TRHDE: variants seen among roughly 807,000 people sequenced by gnomAD.
The protein encoded by TRHDE is thyrotropin-releasing hormone-degrading ectoenzyme.
In TRHDE, 72 loss-of-function variants were observed where a neutral mutation model predicts 125.7. The ratio of observed to expected loss-of-function variants is 0.57; its 90% CI spans 0.47 to 0.70. TRHDE has a LOEUF of 0.70. Ranked by LOEUF, TRHDE falls within the 30% of genes least tolerant of loss-of-function variation. The pLI, the probability that TRHDE is intolerant of heterozygous loss-of-function variation, is 0.00. For missense variants in TRHDE, 1,110 were observed against 1,327.1 expected, an observed-to-expected ratio of 0.84 and a Z score of 2.54; for synonymous variants, 509 against 509.1, an observed-to-expected ratio of 1.00 and a Z score of 0.00.
chr12:72,403,510 G>A (rs144672287), intron 3 of TRHDE, among the ~76,000 whole-genome samples: 185 of 152,106 alleles, frequency 1.2e-3, no homozygotes, highest in Non-Finnish European at 2.2e-3. Flanking sequence ...CATATTTTCC[G>A]TGAGGAAACT....
intron 6 of TRHDE, among the ~76,000 whole-genome samples, chr12:72,512,536 A>G (rs1878642487): frequency 7.3e-6 from 1 of 137,620 alleles, no homozygotes; most frequent in African/African-American, 2.7e-5. Context: ...ATATATGATT[A>G]TATATATTCA....
intron 14 of TRHDE, 172 bp downstream of exon 14, chr12:72,621,377 C>A (rs557477413): frequency 1.7e-6 from 1 of 595,550 alleles, no homozygotes; most frequent in African/African-American, 1.9e-5. Context: ...TTGCCTGATC[C>A]TGAGAACAAA....
chr12:72,648,172 A>G (rs1294793587), intron 15 of TRHDE, among the ~76,000 whole-genome samples: 1 of 152,150 alleles, frequency 6.6e-6, no homozygotes, highest in Admixed American at 6.6e-5. Context: ...CAATAAATAC[A>G]AAGCACTGAC....
intron 18 of TRHDE, among the ~76,000 whole-genome samples, chr12:72,662,663 G>A (rs1874959663): frequency 6.6e-6 from 1 of 152,094 alleles, no homozygotes; most frequent in East Asian, 1.9e-4. Flanking sequence ...CAGTGTTTAA[G>A]GCTACTTGGT....
chr12:72,100,341 T>C (rs1303169199), intron 1 of TRHDE, among the ~76,000 whole-genome samples: 1 of 152,222 alleles, frequency 6.6e-6, no homozygotes, highest in Non-Finnish European at 1.5e-5. Context: ...GCAGCTATTA[T>C]TGCACTTTAT....
intron 2 of TRHDE, among the ~76,000 whole-genome samples, chr12:72,367,015 T>C (rs565046160): frequency 6.6e-6 from 1 of 152,202 alleles, no homozygotes; most frequent in South Asian, 2.1e-4. Flanking sequence ...CAATGTGTTT[T>C]TGTTAGACTG....
chr12:72,383,855 G>A (rs1363703467), intron 3 of TRHDE, among the ~76,000 whole-genome samples: 2 of 152,014 alleles, frequency 1.3e-5, no homozygotes, highest in Non-Finnish European at 2.9e-5. Flanking sequence ...TTGGGATTCG[G>A]CTGAAATGGA....
chr12:72,089,151 C>T (rs1205558732), intron 1 of TRHDE, among the ~76,000 whole-genome samples: 1 of 152,120 alleles, frequency 6.6e-6, no homozygotes, highest in Non-Finnish European at 1.5e-5. Context: ...ACACTACATC[C>T]ACGTGGCTCT....
chr12:72,194,014 T>A (rs1877389367), intron 2 of TRHDE, among the ~76,000 whole-genome samples: 1 of 152,092 alleles, frequency 6.6e-6, no homozygotes. Flanking sequence ...CATCTATTAT[T>A]TGCATTTTTT....
intron 2 of TRHDE, among the ~76,000 whole-genome samples, chr12:72,287,577 G>GACACAC (rs10606890): frequency 1.1e-3 from 161 of 147,792 alleles, no homozygotes; most frequent in African/African-American, 1.8e-3. Context: ...TCTATGTATA[G>GACACAC]ACACACACAC....
chr12:72,163,627 G>A (rs1215076464), intron 2 of TRHDE, among the ~76,000 whole-genome samples: 1 of 152,226 alleles, frequency 6.6e-6, no homozygotes, highest in Non-Finnish European at 1.5e-5. Flanking sequence ...GGGATTCAGT[G>A]TGTAGGCTGA....
intron 2 of TRHDE, among the ~76,000 whole-genome samples, chr12:72,211,819 G>A (rs1434109218): frequency 6.6e-6 from 1 of 152,118 alleles, no homozygotes; most frequent in African/African-American, 2.4e-5. Context: ...TGTAGATGAA[G>A]TCTTACAAAG....
chr12:72,646,583 AAG>A (rs1401986218), intron 15 of TRHDE, among the ~76,000 whole-genome samples: 2 of 152,106 alleles, frequency 1.3e-5, no homozygotes, highest in African/African-American at 4.8e-5. Flanking sequence ...CAGTGTTGGT[AAG>A]AGTCTCACTT....
At position 72,420,491 on chromosome 12, in the gene TRHDE, G is replaced by A. The variant is rs371112491; in HGVS notation, c.1315+42370G>A. ...GTATTATATTCAATGGGTGTGGATC[G>A]TAAGATATATATGATATTATCCATG... On this transcript the variant is annotated intron_variant, in intron 3 of 18. Coordinates refer to ENST00000261180, the MANE Select transcript of TRHDE (RefSeq NM_013381.3). Among the ~76,000 whole-genome samples, 48 of 150,952 alleles carry A rather than the reference G, an allele frequency of 3.2e-4. No individual in the cohort carries two copies. In the East Asian group the frequency reaches 7.2e-3, roughly 23 times the overall value.
chr12:72,152,409 C>G (rs1428741049), intron 2 of TRHDE, among the ~76,000 whole-genome samples: 1 of 151,866 alleles, frequency 6.6e-6, no homozygotes, highest in Non-Finnish European at 1.5e-5. Flanking sequence ...GCCTCATTGC[C>G]CTGGCCAGAA....
At chr12:72,157,359 C>G (rs1182481944) in intron 2 of TRHDE, among the ~76,000 whole-genome samples, 4 of 152,106 alleles carry the variant, frequency 2.6e-5, no homozygotes, top group African/African-American at 9.7e-5. Context: ...GTGACATTAT[C>G]TCATGTGTTT....
chr12:72,243,458 C>T (rs898153315), intron 2 of TRHDE, among the ~76,000 whole-genome samples: 7 of 152,028 alleles, frequency 4.6e-5, no homozygotes, highest in African/African-American at 1.7e-4. Flanking sequence ...AAATATATAC[C>T]AGATGTTGAA....
chr12:72,559,919 C>T (rs993366788), intron 7 of TRHDE, among the ~76,000 whole-genome samples: 17 of 152,168 alleles, frequency 1.1e-4, no homozygotes, highest in African/African-American at 4.1e-4. Context: ...TAGTTGTTCT[C>T]AGTAACCTTT....
chr12:72,521,128 A>G (rs1879174733), intron 6 of TRHDE, among the ~76,000 whole-genome samples: 1 of 152,212 alleles, frequency 6.6e-6, no homozygotes, highest in Non-Finnish European at 1.5e-5. Context: ...AGCAGAGAAT[A>G]CTATACATGT....
Sources: gnomAD v4.1 joint callset for allele counts (sites outside exome capture counted in the v4.1 genomes callset) on GRCh38, gnomAD v4.1.1 for gene constraint, MANE v1.5 for transcripts, NCBI Gene and HGNC (gene_info 2026-07-23, HGNC 2026-07-21) for gene names.